The following TEK variants were observed in gnomAD, a reference collection of about 807,000 sequenced individuals.
TEK encodes TEK receptor tyrosine kinase.
In TEK, 43 loss-of-function variants were observed where a neutral mutation model predicts 131.8. The ratio of observed to expected loss-of-function variants is 0.33; its 90% CI spans 0.26 to 0.42. The LOEUF (loss-of-function observed/expected upper bound fraction) is 0.42, where lower values mean the gene tolerates loss of function less well. Ranked by LOEUF, TEK falls within the 10% of genes least tolerant of loss-of-function variation. The probability of loss-of-function intolerance (pLI) is 1.00; values close to 1 mark genes in which losing one functional copy is unlikely to be tolerated. For synonymous variants in TEK, 580 were observed against 491.6 expected, an observed-to-expected ratio of 1.18 and a Z score of -2.38; for missense variants, 1,162 against 1,384.4, an observed-to-expected ratio of 0.84 and a Z score of 2.55.
intron 18 of TEK, among the ~76,000 whole-genome samples, chr9:27,216,942 C>CAAATCATAGAGACTTTGAGGAAA: frequency 6.6e-6 from 1 of 152,106 alleles, no homozygotes; most frequent in East Asian, 1.9e-4. Flanking sequence ...AAGGGAGCCC[C>CAAATCATAGAGACTTTGAGGAAA]AAATCATAGA....
intron 1 of TEK, among the ~76,000 whole-genome samples, chr9:27,136,004 G>A (rs1374031940): frequency 1.3e-5 from 2 of 151,944 alleles, no homozygotes; most frequent in Non-Finnish European, 2.9e-5. Context: ...ATATTTTCTA[G>A]ATAAGATTGA....
At chr9:27,206,875 C>A in intron 15 of TEK, 83 bp downstream of exon 15, 1 of 1,497,712 alleles carries the variant, frequency 6.7e-7, no homozygotes, top group South Asian at 1.2e-5. Context: ...CCTCTATGGT[C>A]TTACAAAAAA....
At chr9:27,117,236 C>T (rs1318560133) in intron 1 of TEK, among the ~76,000 whole-genome samples, 3 of 152,162 alleles carry the variant, frequency 2.0e-5, no homozygotes, top group Non-Finnish European at 4.4e-5. Context: ...CACTGGAGCA[C>T]CAGCCTGCAG....
intron 1 of TEK, among the ~76,000 whole-genome samples, chr9:27,125,759 A>AT (rs1176129275): frequency 2.0e-5 from 3 of 152,292 alleles, no homozygotes; most frequent in African/African-American, 7.2e-5. Flanking sequence ...AACTATCATT[A>AT]TTTTTTTGTA....
intron 1 of TEK, among the ~76,000 whole-genome samples, chr9:27,146,745 G>T (rs562459248): frequency 5.5e-5 from 8 of 144,434 alleles, no homozygotes; most frequent in African/African-American, 1.1e-4. Flanking sequence ...TTTTTTGGCG[G>T]GGGGGACGGA....
At chr9:27,174,562 C>A (rs1824092908) in intron 6 of TEK, among the ~76,000 whole-genome samples, 1 of 152,136 alleles carries the variant, frequency 6.6e-6, no homozygotes, top group South Asian at 2.1e-4. Flanking sequence ...TCAGTTTGGA[C>A]TAGCTATATT....
Position 27,197,296 on chromosome 9 carries a change from T to C in TEK, c.1625-19T>C. ...TATCAGCCATATATAAAAATAATGATTTTTCTGGATTCTCCTAGGACTCCC... is the reference window on the plus strand; with the variant it reads ...TATCAGCCATATATAAAAATAATGACTTTTCTGGATTCTCCTAGGACTCCC... On this transcript the variant is annotated intron_variant, in intron 11 of 22. Transcript: ENST00000380036. The C allele has an allele frequency of 1.2e-6, 2 of 1,612,920 alleles. No individual in the cohort carries two copies. Among genetic ancestry groups the C allele is most frequent in the Non-Finnish European group, 1.7e-6 (2 of 1,179,450 alleles).
At chr9:27,118,121 G>T (rs1169414110) in intron 1 of TEK, among the ~76,000 whole-genome samples, 8 of 152,092 alleles carry the variant, frequency 5.3e-5, no homozygotes, top group Non-Finnish European at 1.0e-4. Flanking sequence ...TGGGAATCTG[G>T]GATGGGCTTC....
Position 27,206,713 on chromosome 9 carries a change from G to A in TEK, c.2496G>A (p.Glu832=). The change falls in exon 15 of 23, where the codon GAG becomes GAA. Residue 832 remains glutamate (E), a synonymous_variant. Coordinates refer to ENST00000380036, the MANE Select transcript of TEK (RefSeq NM_000459.5). ...NDIKFQDVIG[E]GNFGQVLKAR... ...TCAAATTTCAAGATGTGATTGGGGA[G>A]GGCAATTTTGGCCAAGTTCTTAAGG... 1.2e-6 allele frequency: 2 copies of A among 1,614,102 alleles called. No individual in the cohort carries two copies. Among genetic ancestry groups the A allele is most frequent in the Non-Finnish European group, 1.7e-6 (2 of 1,179,998 alleles).
chr9:27,114,851 CAT>C (rs1371523226), intron 1 of TEK, among the ~76,000 whole-genome samples: 11 of 152,278 alleles, frequency 7.2e-5, no homozygotes, highest in African/African-American at 2.4e-4. Flanking sequence ...TTACCTATAA[CAT>C]AGTCGTATTT....
At chr9:27,139,958 G>A (rs1822661619) in intron 1 of TEK, among the ~76,000 whole-genome samples, 1 of 152,058 alleles carries the variant, frequency 6.6e-6, no homozygotes, top group Non-Finnish European at 1.5e-5. Flanking sequence ...TGCCACCTTG[G>A]CTTCCCCAGT....
intron 1 of TEK, among the ~76,000 whole-genome samples, chr9:27,113,517 G>A (rs1184293820): frequency 6.6e-6 from 1 of 152,186 alleles, no homozygotes; most frequent in Non-Finnish European, 1.5e-5. Context: ...AAACCCAGGA[G>A]GCAGAGGTTG....
chr9:27,147,009 G>A (rs538217941), intron 1 of TEK, among the ~76,000 whole-genome samples: 62 of 152,294 alleles, frequency 4.1e-4, no homozygotes, highest in Non-Finnish European at 6.6e-4. Flanking sequence ...GATTACAGGC[G>A]TGAGACACTG....
chr9:27,196,056 G>C (rs1343983143), intron 11 of TEK, among the ~76,000 whole-genome samples: 1 of 152,156 alleles, frequency 6.6e-6, no homozygotes, highest in Non-Finnish European at 1.5e-5. Context: ...CTTGCTAAGG[G>C]GAAGGAACCC....
chr9:27,205,171 C>A (rs1825359444), intron 14 of TEK, 106 bp downstream of exon 14: 1 of 1,406,908 alleles, frequency 7.1e-7, no homozygotes, highest in Non-Finnish European at 9.9e-7. Context: ...GTAAATATTT[C>A]CCTTAGGCAA....
intron 10 of TEK, 24 bp from the exon 11 acceptor site, chr9:27,192,465 T>G: frequency 6.2e-7 from 1 of 1,613,668 alleles, no homozygotes; most frequent in Admixed American, 1.7e-5. Flanking sequence ...CAACTTAAGT[T>G]TCCTGGACGT....
intron 2 of TEK, among the ~76,000 whole-genome samples, chr9:27,163,256 G>A (rs1233074606): frequency 1.3e-5 from 2 of 152,140 alleles, no homozygotes; most frequent in African/African-American, 2.4e-5. Context: ...CTAGAAGCCT[G>A]GCTTTAACCA....
At chr9:27,192,248 AATGTGT>A (rs1824848307) in intron 10 of TEK, among the ~76,000 whole-genome samples, 1 of 152,188 alleles carries the variant, frequency 6.6e-6, no homozygotes, top group Admixed American at 6.5e-5. Context: ...CCAGAGCAGA[AATGTGT>A]AAGTGGCACA....
Position 27,146,998 on chromosome 9 carries a change from G to A in TEK, c.53-10833G>A, listed in dbSNP as rs370213554. On this transcript the variant is annotated intron_variant, in intron 1 of 22. Coordinates refer to ENST00000380036, the MANE Select transcript of TEK (RefSeq NM_000459.5). ...CCCGCCTCGGCCTCCCAAAGTGCTGGGATTACAGGCGTGAGACACTGCGCC... is the reference window on the plus strand; with the variant it reads ...CCCGCCTCGGCCTCCCAAAGTGCTGAGATTACAGGCGTGAGACACTGCGCC... 1.0e-3 allele frequency among the ~76,000 whole-genome samples: 155 copies of A among 152,234 alleles called. No individual in the cohort carries two copies. In the Middle Eastern group the frequency reaches 0.014, roughly 13 times the overall value.
Sources: allele counts gnomAD v4.1 joint callset (sites outside exome capture counted in the v4.1 genomes callset), GRCh38; gene constraint gnomAD v4.1.1; transcripts MANE v1.5; gene names NCBI Gene and HGNC (gene_info 2026-07-23, HGNC 2026-07-21).